Variants in TGFB2 observed in about 807,000 individuals in gnomAD.
TGFB2 encodes transforming growth factor beta-2 proprotein.
Under a neutral mutation model 42.7 loss-of-function variants are expected in TGFB2, and 13 were observed. The ratio of observed to expected loss-of-function variants is 0.30; its 90% CI spans 0.20 to 0.48. The LOEUF (loss-of-function observed/expected upper bound fraction) is 0.48. TGFB2 is among the 20% of genes least tolerant of loss of function. TGFB2 has a pLI of 0.99. For synonymous variants in TGFB2, 193 were observed against 193.6 expected, an observed-to-expected ratio of 1.00 and a Z score of 0.03; for missense variants, 390 against 517.5, an observed-to-expected ratio of 0.75 and a Z score of 2.39.
intron 1 of TGFB2, among the ~76,000 whole-genome samples, chr1:218,402,049 T>A (rs898680626): frequency 6.6e-6 from 1 of 152,220 alleles, no homozygotes; most frequent in African/African-American, 2.4e-5. Context: ...CATCAACCCC[T>A]GGAAGGGGTA....
At chr1:218,411,502 G>T (rs568983809) in intron 2 of TGFB2, among the ~76,000 whole-genome samples, 56 of 152,280 alleles carry the variant, frequency 3.7e-4, no homozygotes, top group Admixed American at 3.1e-3. Flanking sequence ...GGTGTTCCCA[G>T]AAGAGTAGTC....
At chr1:218,417,303 G>A (rs146658333) in intron 2 of TGFB2, among the ~76,000 whole-genome samples, 177 of 152,320 alleles carry the variant, frequency 1.2e-3, no homozygotes, top group African/African-American at 3.9e-3. Flanking sequence ...TGGAGCAAAG[G>A]TGACTCTACG....
intron 2 of TGFB2, among the ~76,000 whole-genome samples, chr1:218,411,410 A>G (rs761046867): frequency 1.6e-4 from 24 of 152,110 alleles, no homozygotes; most frequent in Non-Finnish European, 3.2e-4. Context: ...CTTTGTGCCT[A>G]TGCTTGGAAC....
intron 4 of TGFB2, among the ~76,000 whole-genome samples, chr1:218,435,549 T>A (rs1329360837): frequency 6.6e-6 from 1 of 152,220 alleles, no homozygotes; most frequent in Non-Finnish European, 1.5e-5. Flanking sequence ...TCTTTTGAGT[T>A]TAGTAGTCTT....
At chr1:218,395,131 G>A (rs6604608) in intron 1 of TGFB2, among the ~76,000 whole-genome samples, 22,594 of 151,908 alleles carry the variant, frequency 0.15, 2,980 homozygotes, top group African/African-American at 0.36. Flanking sequence ...TCTTCATTCT[G>A]TGGGCTTGTG....
intron 1 of TGFB2, chr1:218,363,556 G>T: frequency 1.3e-6 from 1 of 799,762 alleles, no homozygotes; most frequent in Middle Eastern, 3.7e-4. Flanking sequence ...GATCACAAAG[G>T]TGCCTAGAAT....
intron 2 of TGFB2, among the ~76,000 whole-genome samples, chr1:218,432,185 C>T (rs919057973): frequency 2.0e-5 from 3 of 152,142 alleles, no homozygotes; most frequent in Non-Finnish European, 4.4e-5. Context: ...AGTTAACCTC[C>T]TTGAGTTTGC....
intron 1 of TGFB2, among the ~76,000 whole-genome samples, chr1:218,397,266 T>TAAA (rs1246321855): frequency 1.4e-4 from 14 of 97,682 alleles, no homozygotes; most frequent in Admixed American, 5.8e-4. Flanking sequence ...AGACTCCATC[T>TAAA]AAAAAAAAAA....
rs180930742 is a variant in TGFB2 at position 218,382,544 on chromosome 1, A to T, written c.347-22625A>T. On this transcript the variant is annotated intron_variant, in intron 1 of 6. Transcript: ENST00000366930. ...GTGACTTATTTTTAAGCAGTTGATC[A>T]TACTTCTGAATTAAAGTATTCATAG... Among the ~76,000 whole-genome samples the T allele has an allele frequency of 1.5e-3, 235 of 152,340 alleles. 2 individuals carry two copies. The highest frequency in any genetic ancestry group is 5.5e-3 in the African/African-American group (229 of 41,576).
At chr1:218,373,092 C>T (rs766627463) in intron 1 of TGFB2, among the ~76,000 whole-genome samples, 1 of 152,050 alleles carries the variant, frequency 6.6e-6, no homozygotes, top group African/African-American at 2.4e-5. Context: ...GTAGGAGAAT[C>T]GCTTGAATCT....
chr1:218,410,121 G>A (rs1659048006), intron 2 of TGFB2, among the ~76,000 whole-genome samples: 1 of 152,204 alleles, frequency 6.6e-6, no homozygotes, highest in Non-Finnish European at 1.5e-5. Flanking sequence ...ACTCACATGT[G>A]TGATTGTTCA....
At chr1:218,347,993 T>A (rs1218034883) in intron 1 of TGFB2, among the ~76,000 whole-genome samples, 4 of 149,386 alleles carry the variant, frequency 2.7e-5, no homozygotes, top group African/African-American at 5.0e-5. Context: ...CCAGCTGGCA[T>A]ACAGTAGCAA....
In TGFB2 at chr1:218,443,077, G is replaced by T. The variant is rs932848583; in HGVS notation, c.*1715G>T. On this transcript the variant is annotated 3_prime_UTR_variant, in exon 7 of 7. Coordinates refer to ENST00000366930, the MANE Select transcript of TGFB2 (RefSeq NM_003238.6). ...CATAAGTCATTTTGTGTATTTCACT[G>T]AAGTTATAAGGTTTTTATAAATGTT... The T allele has an allele frequency of 6.6e-6, 1 of 152,156 alleles. No homozygotes were observed. 9.4% of individuals were successfully genotyped at this position (152,156 alleles called of 1,614,324 possible). A position where few individuals can be genotyped will look rare whatever the true frequency, so the allele number is the denominator to read the frequency against.
chr1:218,397,969 C>T (rs938704516), intron 1 of TGFB2, among the ~76,000 whole-genome samples: 2 of 152,206 alleles, frequency 1.3e-5, no homozygotes, highest in African/African-American at 4.8e-5. Context: ...TTGGAAAATC[C>T]CCCACGAGGA....
intron 1 of TGFB2, among the ~76,000 whole-genome samples, chr1:218,386,441 TG>T (rs1658140795): frequency 6.6e-6 from 1 of 152,218 alleles, no homozygotes; most frequent in Non-Finnish European, 1.5e-5. Context: ...ATGTAGGCAC[TG>T]CTCCTAGAAA....
At position 218,346,686 on chromosome 1, in the gene TGFB2, T is replaced by C. The variant is rs779785854; in HGVS notation, c.-16T>C. On this transcript the variant is annotated 5_prime_UTR_variant, in exon 1 of 7. Coordinates refer to ENST00000366930, the MANE Select transcript of TGFB2 (RefSeq NM_003238.6). This position sits in a 1 kb window ranked among gnomAD's most constrained non-coding sequence, Gnocchi z 4.9. ...CTGACTTTTAAAAACAACTTTTTTT[T>C]CCACTTTTTTAAAAAATGCACTACT... 1.3e-5 allele frequency: 20 copies of C among 1,569,502 alleles called. No individual in the cohort carries two copies. The East Asian group carries it at 1.4e-4, about 11-fold the overall frequency.
chr1:218,356,907 C>T (rs892623124), intron 1 of TGFB2, among the ~76,000 whole-genome samples: 2 of 152,164 alleles, frequency 1.3e-5, no homozygotes, highest in African/African-American at 2.4e-5. Flanking sequence ...TATGACATTA[C>T]GGTGTAGAAA....
At chr1:218,397,301 T>G (rs138400337) in intron 1 of TGFB2, among the ~76,000 whole-genome samples, 23,261 of 147,900 alleles carry the variant, frequency 0.16, 2,561 homozygotes, top group East Asian at 0.43. Context: ...CGGTGGCTTA[T>G]GCCTGTAATC....
intron 1 of TGFB2, among the ~76,000 whole-genome samples, chr1:218,365,321 A>C (rs762845115): frequency 6.6e-6 from 1 of 151,800 alleles, no homozygotes; most frequent in South Asian, 2.1e-4. Context: ...TTTCCTTTTC[A>C]TCTTTTCCTC....
Sources: gnomAD v4.1 joint callset for allele counts (sites outside exome capture counted in the v4.1 genomes callset) on GRCh38, gnomAD v4.1.1 for gene constraint, Gnocchi (gnomAD v3.1) non-coding constraint, MANE v1.5 for transcripts, NCBI Gene and HGNC (gene_info 2026-07-23, HGNC 2026-07-21) for gene names.